RASGRF2: variants seen among roughly 807,000 people sequenced by gnomAD.
RASGRF2 encodes ras-specific guanine nucleotide-releasing factor 2.
RASGRF2 carries 76 observed loss-of-function variants against 151.0 expected under a neutral mutation model. That is an observed-to-expected ratio of 0.50 (90% CI 0.42 to 0.61). The LOEUF is 0.61. Ranked by LOEUF, RASGRF2 falls within the 20% of genes least tolerant of loss-of-function variation. The probability of loss-of-function intolerance (pLI) is 0.00; values close to 1 mark genes in which losing one functional copy is unlikely to be tolerated. For synonymous variants in RASGRF2, 504 were observed against 566.5 expected (o/e 0.89, Z 1.57); for missense variants, 1,148 against 1,564.6 (o/e 0.73, Z 4.49).
intron 18 of RASGRF2, among the ~76,000 whole-genome samples, chr5:81,197,318 C>T (rs1195311146): frequency 6.6e-6 from 1 of 150,718 alleles, no homozygotes; most frequent in Non-Finnish European, 1.5e-5. Context: ...TAGCCGGGCG[C>T]GGTGGCGGGC....
At chr5:81,100,466 G>A (rs922282127) in intron 12 of RASGRF2, among the ~76,000 whole-genome samples, 2 of 152,140 alleles carry the variant, frequency 1.3e-5, no homozygotes. Flanking sequence ...AGTTACACCA[G>A]TAAGGCCATA....
intron 18 of RASGRF2, among the ~76,000 whole-genome samples, chr5:81,194,356 CA>C (rs200399661): frequency 2.7e-5 from 4 of 149,344 alleles, no homozygotes; most frequent in African/African-American, 7.4e-5. Context: ...GACTCTGTCT[CA>C]AAAAAAAATT....
chr5:80,978,949 C>G (rs1056649220), intron 1 of RASGRF2, among the ~76,000 whole-genome samples: 5 of 152,194 alleles, frequency 3.3e-5, no homozygotes, highest in African/African-American at 1.2e-4. Flanking sequence ...TTCTATCACA[C>G]AGATGTACAA....
At chr5:81,000,315 C>G (rs1391551402) in intron 1 of RASGRF2, among the ~76,000 whole-genome samples, 1 of 152,222 alleles carries the variant, frequency 6.6e-6, no homozygotes, top group African/African-American at 2.4e-5. Flanking sequence ...GATCTTGGCT[C>G]ACTTCAACCT....
chr5:81,138,415 C>A (rs762967435), intron 17 of RASGRF2, among the ~76,000 whole-genome samples: 3 of 152,110 alleles, frequency 2.0e-5, no homozygotes, highest in Non-Finnish European at 2.9e-5. Context: ...TGTCTTTTTC[C>A]AAGTGGGATA....
chr5:80,969,781 G>A (rs1431723765), intron 1 of RASGRF2, among the ~76,000 whole-genome samples: 1 of 135,196 alleles, frequency 7.4e-6, no homozygotes, highest in Non-Finnish European at 1.5e-5. Context: ...AAGGATAAGA[G>A]TTTCCTACAC....
intron 1 of RASGRF2, among the ~76,000 whole-genome samples, chr5:81,034,815 T>C (rs1385908811): frequency 6.5e-5 from 6 of 92,122 alleles, no homozygotes; most frequent in Admixed American, 1.0e-4. Context: ...GGGAGGGGGG[T>C]AGGGATAGCA....
chr5:81,182,668 TCA>T (rs1378375496), intron 18 of RASGRF2, among the ~76,000 whole-genome samples: 2 of 152,206 alleles, frequency 1.3e-5, no homozygotes, highest in Non-Finnish European at 2.9e-5. Context: ...TGCTCTCAGC[TCA>T]CACAGTCTTC....
At chr5:81,162,348 G>A (rs1157217247) in intron 17 of RASGRF2, among the ~76,000 whole-genome samples, 1 of 151,844 alleles carries the variant, frequency 6.6e-6, no homozygotes, top group East Asian at 1.9e-4. Context: ...TTTTTGTTTT[G>A]TTTTTGTTTT....
chr5:81,185,440 C>T (rs180755379), intron 18 of RASGRF2, among the ~76,000 whole-genome samples: 23 of 152,238 alleles, frequency 1.5e-4, no homozygotes, highest in Middle Eastern at 3.4e-3. Flanking sequence ...AGGGGTGACG[C>T]GTAGACAGAC....
In RASGRF2 at chr5:81,115,896, C is replaced by A. The variant is rs982500171; in HGVS notation, c.2470+1976C>A. Among the ~76,000 whole-genome samples the A allele has an allele frequency of 4.0e-5, 6 of 149,978 alleles. No homozygotes were observed. The East Asian group carries it at 1.2e-3, about 30-fold the overall frequency. ...TGGTATAAGAGGTGTAGATAGAGTGCTCTGGAAGCTGAAGAGCAGGGAGAT... is the reference window on the plus strand; with the variant it reads ...TGGTATAAGAGGTGTAGATAGAGTGATCTGGAAGCTGAAGAGCAGGGAGAT... On this transcript the variant is annotated intron_variant, in intron 15 of 26. Coordinates refer to ENST00000265080, the MANE Select transcript of RASGRF2 (RefSeq NM_006909.3).
At chr5:80,967,000 T>A (rs1398210453) in intron 1 of RASGRF2, among the ~76,000 whole-genome samples, 1 of 152,200 alleles carries the variant, frequency 6.6e-6, no homozygotes, top group Admixed American at 6.5e-5. Context: ...AAGAATAATT[T>A]ACAGCTTTAG....
chr5:80,992,691 TC>T (rs1189875574), intron 1 of RASGRF2, among the ~76,000 whole-genome samples: 2 of 152,302 alleles, frequency 1.3e-5, no homozygotes, highest in South Asian at 4.1e-4. Flanking sequence ...CTATTTTCAG[TC>T]TTTTTTGAAA....
At chr5:81,007,943 T>C (rs1749325023) in intron 1 of RASGRF2, among the ~76,000 whole-genome samples, 1 of 152,108 alleles carries the variant, frequency 6.6e-6, no homozygotes, top group Non-Finnish European at 1.5e-5. Context: ...ATGGCAGTTA[T>C]GGAAGGGTTC....
At chr5:80,988,866 A>G (rs1351018670) in intron 1 of RASGRF2, among the ~76,000 whole-genome samples, 3 of 152,268 alleles carry the variant, frequency 2.0e-5, no homozygotes, top group East Asian at 3.8e-4. Context: ...CAAAATAGGC[A>G]TAGTTTGGAC....
At chr5:81,204,099 G>T (rs775881711) in intron 19 of RASGRF2, 1 of 152,198 alleles carries the variant, frequency 6.6e-6, no homozygotes, top group South Asian at 2.1e-4. Context: ...TTTATTTGGT[G>T]TGTCATTATA....
At chr5:80,969,941 C>T (rs1176174906) in intron 1 of RASGRF2, among the ~76,000 whole-genome samples, 1 of 150,358 alleles carries the variant, frequency 6.7e-6, no homozygotes, top group Non-Finnish European at 1.5e-5. Flanking sequence ...ATTCTCCTGC[C>T]TCAGCCTCTC....
chr5:81,075,317 T>C lies in RASGRF2; in HGVS notation c.887+1865T>C, dbSNP rs186592815. On this transcript the variant is annotated intron_variant, in intron 5 of 26. Transcript: ENST00000265080. ...ATTTGTTAGAGAATGTGTGAAAACATGTTGCAAGGGTGCAATGGGCAGCAC... is the reference window on the plus strand; with the variant it reads ...ATTTGTTAGAGAATGTGTGAAAACACGTTGCAAGGGTGCAATGGGCAGCAC... Among the ~76,000 whole-genome samples, 13 of 152,290 alleles carry C rather than the reference T, an allele frequency of 8.5e-5. No individual in the cohort carries two copies. In the East Asian group the frequency reaches 2.5e-3, roughly 29 times the overall value.
At chr5:81,169,759 TTCTTACCA>T (rs1754600484) in intron 17 of RASGRF2, among the ~76,000 whole-genome samples, 2 of 152,160 alleles carry the variant, frequency 1.3e-5, no homozygotes, top group Admixed American at 1.3e-4. Flanking sequence ...TCACCAATGA[TTCTTACCA>T]TCTACAGCCA....
Sources: gnomAD v4.1 joint callset for allele counts (sites outside exome capture counted in the v4.1 genomes callset) on GRCh38, gnomAD v4.1.1 for gene constraint, MANE v1.5 for transcripts, NCBI Gene and HGNC (gene_info 2026-07-23, HGNC 2026-07-21) for gene names.